Variants in METTL15 observed in about 807,000 individuals in gnomAD.
METTL15 encodes 12S rRNA N(4)-cytidine methyltransferase METTL15.
Under a neutral mutation model 38.3 loss-of-function variants are expected in METTL15, and 34 were observed. The ratio of observed to expected loss-of-function variants is 0.89; its 90% CI spans 0.68 to 1.18. METTL15 has a LOEUF of 1.18. Among genes scored for constraint, METTL15 ranks in the 50% most tolerant of loss-of-function variants. METTL15 has a pLI of 0.00. For synonymous variants in METTL15, 162 were observed against 170.9 expected (o/e 0.95, Z 0.41); for missense variants, 438 against 498.4 (o/e 0.88, Z 1.15).
chr11:28,356,808 A>C (rs1850093725), intron 4 of METTL15, among the ~76,000 whole-genome samples: 1 of 152,204 alleles, frequency 6.6e-6, no homozygotes, highest in African/African-American at 2.4e-5. Context: ...TTTGGAGCTA[A>C]AACATCTTCA....
chr11:28,373,551 C>A, intron 5 of METTL15, among the ~76,000 whole-genome samples: 1 of 152,180 alleles, frequency 6.6e-6, no homozygotes, highest in East Asian at 1.9e-4. Flanking sequence ...CAAAAATTTT[C>A]TCCCATTTTG....
intron 5 of METTL15, among the ~76,000 whole-genome samples, chr11:28,373,499 T>G (rs1180334495): frequency 6.6e-6 from 1 of 152,208 alleles, no homozygotes; most frequent in African/African-American, 2.4e-5. Flanking sequence ...TTGAGTTCAT[T>G]GTAGATTCTG....
intron 6 of METTL15, among the ~76,000 whole-genome samples, chr11:28,302,420 G>T (rs1033967406): frequency 6.6e-6 from 1 of 152,064 alleles, no homozygotes; most frequent in African/African-American, 2.4e-5. Context: ...CTTGTAGCTC[G>T]CATAATTCCC....
chr11:28,389,741 A>G (rs983157101), intron 5 of METTL15, among the ~76,000 whole-genome samples: 3 of 151,752 alleles, frequency 2.0e-5, no homozygotes, highest in African/African-American at 7.3e-5. Flanking sequence ...CTTTGGGTAT[A>G]TACCCAGTAA....
intron 3 of METTL15, among the ~76,000 whole-genome samples, chr11:28,135,152 T>C (rs1406028811): frequency 6.6e-6 from 1 of 152,190 alleles, no homozygotes; most frequent in East Asian, 1.9e-4. Flanking sequence ...ATATGATAAG[T>C]TTTGAAGCAT....
chr11:28,188,246 A>G (rs554245742), intron 3 of METTL15, among the ~76,000 whole-genome samples: 2 of 151,512 alleles, frequency 1.3e-5, no homozygotes, highest in African/African-American at 4.8e-5. Flanking sequence ...AATCACATAT[A>G]TTATTTGAAA....
intron 4 of METTL15, among the ~76,000 whole-genome samples, chr11:28,360,767 C>G (rs899160466): frequency 6.6e-6 from 1 of 151,250 alleles, no homozygotes; most frequent in Non-Finnish European, 1.5e-5. Flanking sequence ...ATTAACTCGT[C>G]ATTTAGCATT....
chr11:28,324,799 T>TG (rs1849578571), intron 6 of METTL15, among the ~76,000 whole-genome samples: 1 of 152,202 alleles, frequency 6.6e-6, no homozygotes. Flanking sequence ...ACAAATGCCA[T>TG]GCCGAGGTCT....
chr11:28,463,755 G>A (rs1382214825), intron 6 of METTL15, among the ~76,000 whole-genome samples: 5 of 152,014 alleles, frequency 3.3e-5, no homozygotes, highest in African/African-American at 4.8e-5. Flanking sequence ...CTCTGGTCTC[G>A]GTGGCTCCTG....
At chr11:28,347,785 A>G (rs1209217687) in intron 3 of METTL15, among the ~76,000 whole-genome samples, 1 of 152,118 alleles carries the variant, frequency 6.6e-6, no homozygotes. Flanking sequence ...ATTTCTCTCT[A>G]AGTTATATGA....
chr11:28,428,025 T>A (rs534622754), intron 6 of METTL15, among the ~76,000 whole-genome samples: 5 of 152,364 alleles, frequency 3.3e-5, no homozygotes, highest in Admixed American at 6.5e-5. Flanking sequence ...ATTTATTTCA[T>A]GTGCTTGGGC....
At chr11:28,354,600 C>T (rs1850074270) in intron 4 of METTL15, among the ~76,000 whole-genome samples, 1 of 151,906 alleles carries the variant, frequency 6.6e-6, no homozygotes, top group Admixed American at 6.6e-5. Flanking sequence ...TTGAGGGCAG[C>T]AGTGGATGAA....
intron 4 of METTL15, among the ~76,000 whole-genome samples, chr11:28,275,426 A>C (rs1490314492): frequency 6.6e-6 from 1 of 152,038 alleles, no homozygotes; most frequent in Admixed American, 6.5e-5. Context: ...TATCCTGAAC[A>C]GACCAGTAAT....
At chr11:28,259,024 G>A (rs1855087969) in intron 4 of METTL15, among the ~76,000 whole-genome samples, 1 of 151,984 alleles carries the variant, frequency 6.6e-6, no homozygotes, top group African/African-American at 2.4e-5. Flanking sequence ...TTTTATCCAG[G>A]GCCCTCTACA....
intron 5 of METTL15, among the ~76,000 whole-genome samples, chr11:28,369,829 A>G (rs1459779281): frequency 6.6e-6 from 1 of 152,182 alleles, no homozygotes; most frequent in Non-Finnish European, 1.5e-5. Flanking sequence ...AGCAACACCA[A>G]GGCATAAGAG....
intron 6 of METTL15, among the ~76,000 whole-genome samples, chr11:28,313,006 C>T (rs1355050091): frequency 2.6e-5 from 4 of 151,328 alleles, no homozygotes; most frequent in South Asian, 2.1e-4. Context: ...CTGTCACTCT[C>T]GTATTATTAG....
chr11:28,408,724 G>A (rs1256877719), intron 5 of METTL15, among the ~76,000 whole-genome samples: 1 of 152,066 alleles, frequency 6.6e-6, no homozygotes, highest in Non-Finnish European at 1.5e-5. Context: ...TATATTGAGA[G>A]CGTCATTTCA....
chr11:28,364,403 G>A (rs1344373470), intron 5 of METTL15, among the ~76,000 whole-genome samples: 3 of 151,978 alleles, frequency 2.0e-5, no homozygotes, highest in Non-Finnish European at 2.9e-5. Flanking sequence ...TTACTTCCTT[G>A]GTTAAATGGA....
intron 6 of METTL15, among the ~76,000 whole-genome samples, chr11:28,300,919 A>C (rs1358947583): frequency 1.3e-5 from 2 of 152,152 alleles, no homozygotes; most frequent in Non-Finnish European, 2.9e-5. Context: ...CATCACCTCT[A>C]ATAAATGGTC....
Sources: gnomAD v4.1 joint callset for allele counts (sites outside exome capture counted in the v4.1 genomes callset) on GRCh38, gnomAD v4.1.1 for gene constraint, MANE v1.5 for transcripts, NCBI Gene and HGNC (gene_info 2026-07-23, HGNC 2026-07-21) for gene names.